Variants in POU3F1 observed in about 807,000 individuals in gnomAD.
POU3F1 encodes the protein POU class 3 homeobox 1.
Under a neutral mutation model 7.6 loss-of-function variants are expected in POU3F1, and 1 was observed. That is an observed-to-expected ratio of 0.13 (90% CI 0.05 to 0.62). POU3F1 has a LOEUF of 0.62. Among genes scored for constraint, POU3F1 ranks in the 20% least tolerant of loss-of-function variants. The probability of loss-of-function intolerance (pLI) is 0.87; values close to 1 mark genes in which losing one functional copy is unlikely to be tolerated. For synonymous variants in POU3F1, 354 were observed against 339.0 expected (o/e 1.04, Z -0.49); for missense variants, 505 against 679.3 (o/e 0.74, Z 2.85).
In POU3F1 at chr1:38,046,405, G is replaced by A. The variant is rs1646861936; in HGVS notation, c.339C>T (p.His113=). 2.4e-6 allele frequency: 3 copies of A among 1,263,838 alleles called. No homozygotes were observed. Among genetic ancestry groups the A allele is most frequent in the Non-Finnish European group, 3.0e-6 (3 of 1,008,628 alleles). The allele number at this position is 1,263,838 out of a possible 1,614,324, so 78.3% of individuals were successfully genotyped here. The change falls in exon 1 of 1, where the codon CAC becomes CAT. Residue 113 remains histidine, a synonymous_variant. Transcript: ENST00000373012. This position sits in a 1 kb window ranked among gnomAD's most constrained non-coding sequence, Gnocchi z 9.5. ...CCGCCCCCTGGTGCACCAGGCGCGCGTGGAAACCTCCGCCGCCGCCGCCGT... is the reference window on the plus strand; with the variant it reads ...CCGCCCCCTGGTGCACCAGGCGCGCATGGAAACCTCCGCCGCCGCCGCCGT... The part of the protein sequence containing the change: ...ADDGGGGGGF[H]ARLVHQGAAH...
At position 38,045,420 on chromosome 1, in the gene POU3F1, G is replaced by C; in HGVS notation, c.1324C>G (p.His442Asp). ...PPPPAALHHHHHHTLPGSVQ is the reference protein window; with the variant it reads ...PPPPAALHHHDHHTLPGSVQ Reference sequence around the variant, plus strand: ...ACTGAGCCGGGCAGTGTGTGGTGGTGGTGGTGGTGCAGCGCCGCCGGCGGG... The same window carrying C: ...ACTGAGCCGGGCAGTGTGTGGTGGTCGTGGTGGTGCAGCGCCGCCGGCGGG... Residue 442 changes from histidine to aspartate, a missense_variant, in exon 1 of 1, where the codon CAC becomes GAC. Physicochemically the swap from His to Asp is moderately conservative, Grantham distance 81. This residue lies in a region of POU3F1 where 72 missense variants were observed against 93.7 expected (regional missense o/e 0.77). Coordinates refer to ENST00000373012, the MANE Select transcript of POU3F1 (RefSeq NM_002699.4). This position sits in a 1 kb window ranked among gnomAD's most constrained non-coding sequence, Gnocchi z 9.4. 2 of 1,434,420 alleles carry C rather than the reference G, an allele frequency of 1.4e-6. No homozygotes were observed. Among genetic ancestry groups the C allele is most frequent in the Non-Finnish European group, 1.8e-6 (2 of 1,103,244 alleles). The allele number at this position is 1,434,420 out of a possible 1,614,324, so 88.9% of individuals were successfully genotyped here. A position where few individuals can be genotyped will look rare whatever the true frequency, so the allele number is the denominator to read the frequency against.
In POU3F1 at chr1:38,045,949, C is replaced by T; in HGVS notation, c.795G>A (p.Arg265=). The change falls in exon 1 of 1, where the codon CGG becomes CGA. Residue 265 remains arginine, a synonymous_variant. Coordinates refer to ENST00000373012, the MANE Select transcript of POU3F1 (RefSeq NM_002699.4). This position sits in a 1 kb window ranked among gnomAD's most constrained non-coding sequence, Gnocchi z 9.4. The part of the protein sequence containing the change: ...LEQFAKQFKQ[R]RIKLGFTQAD... ...CCTGCGTAAAGCCCAGCTTGATGCGCCGCTGCTTGAACTGCTTGGCGAACT... is the reference window on the plus strand; with the variant it reads ...CCTGCGTAAAGCCCAGCTTGATGCGTCGCTGCTTGAACTGCTTGGCGAACT... The T allele has an allele frequency of 6.2e-7, 1 of 1,613,332 alleles. No individual in the cohort carries two copies. Among genetic ancestry groups the T allele is most frequent in the East Asian group, 2.2e-5 (1 of 44,874 alleles).
rs754178182 is a variant in POU3F1, at chr1:38,046,514, C to G, written c.230G>C (p.Gly77Ala). ...GLAHPQWLPT[G>A]GGGGGDWAGG... ...GGCCCAATCGCCGCCGCCGCCTCCT[C>G]CCGTGGGTAGCCACTGGGGGTGCGC... is the stretch of plus-strand genomic sequence containing the variant. Residue 77 changes from glycine to alanine, a missense_variant, in exon 1 of 1, where the codon GGA (glycine) becomes GCA (alanine). Coordinates refer to ENST00000373012, the MANE Select transcript of POU3F1 (RefSeq NM_002699.4). This position sits in a 1 kb window ranked among gnomAD's most constrained non-coding sequence, Gnocchi z 9.5. 7 of 1,387,838 alleles carry G rather than the reference C, an allele frequency of 5.0e-6. No homozygotes were observed. The highest frequency in any genetic ancestry group is 5.6e-5 in the Admixed American group (2 of 35,460). The allele number at this position is 1,387,838 out of a possible 1,614,324, so 86.0% of individuals were successfully genotyped here. A position where few individuals can be genotyped will look rare whatever the true frequency, so the allele number is the denominator to read the frequency against.
Position 38,044,659 on chromosome 1 carries a change from A to G in POU3F1, c.*729T>C, listed in dbSNP as rs1433509541. 3 of 151,816 alleles carry G rather than the reference A, an allele frequency of 2.0e-5. No homozygotes were observed. Among genetic ancestry groups the G allele is most frequent in the Non-Finnish European group, 4.4e-5 (3 of 67,834 alleles). The allele number at this position is 151,816 out of a possible 1,614,324, so 9.4% of individuals were successfully genotyped here. A position where few individuals can be genotyped will look rare whatever the true frequency, so the allele number is the denominator to read the frequency against. ...TAGGGTAGGGAAATATAAGGGGAAA[A>G]ATAAATTAGGCTAGATTAAAGCTTT... On this transcript the variant is annotated 3_prime_UTR_variant, in exon 1 of 1. Coordinates refer to ENST00000373012, the MANE Select transcript of POU3F1 (RefSeq NM_002699.4).
At position 38,046,603 on chromosome 1, in the gene POU3F1, GC is replaced by G; in HGVS notation, c.140del (p.Arg47ProfsTer6). 1 of 1,377,442 alleles carries G rather than the reference GC, an allele frequency of 7.3e-7. No individual in the cohort carries two copies. Among genetic ancestry groups the G allele is most frequent in the Non-Finnish European group, 9.4e-7 (1 of 1,059,778 alleles). The allele number at this position is 1,377,442 out of a possible 1,614,324, so 85.3% of individuals were successfully genotyped here. A position where few individuals can be genotyped will look rare whatever the true frequency, so the allele number is the denominator to read the frequency against. ...AERLHAGAAY[R>X]EVQKLMHHEW... ...CGTGGTGCATCAGCTTCTGCACTTCGCGGTACGCGGCCCCTGCATGCAATCG... is the reference window on the plus strand; with the variant it reads ...CGTGGTGCATCAGCTTCTGCACTTCGGGTACGCGGCCCCTGCATGCAATCG... On this transcript the variant is annotated frameshift_variant, in exon 1 of 1. Coordinates refer to ENST00000373012, the MANE Select transcript of POU3F1 (RefSeq NM_002699.4). LOFTEE classifies it low-confidence loss of function (END_TRUNC). The surrounding 1 kb of genome is among the most constrained non-coding windows in gnomAD (Gnocchi z 9.5).
chr1:38,046,240 G>T lies in POU3F1; in HGVS notation c.504C>A (p.Gly168=), dbSNP rs1646860231. ...CCAGCATCCCGGCCAGGCCGCCGCC[G>T]CCGCCCCCCGGGTAGGCCGCCTGCG... ...LYAQAAYPGG[G]GGGLAGMLAA... The change falls in exon 1 of 1, where the codon GGC becomes GGA. Residue 168 remains glycine (G), a synonymous_variant. Coordinates refer to ENST00000373012, the MANE Select transcript of POU3F1 (RefSeq NM_002699.4). This position sits in a 1 kb window ranked among gnomAD's most constrained non-coding sequence, Gnocchi z 9.5. 2.8e-6 allele frequency: 3 copies of T among 1,063,494 alleles called. No individual in the cohort carries two copies. The highest frequency in any genetic ancestry group is 3.4e-6 in the Non-Finnish European group (3 of 885,366). 65.9% of individuals were successfully genotyped at this position (1,063,494 alleles called of 1,614,324 possible). A position where few individuals can be genotyped will look rare whatever the true frequency, so the allele number is the denominator to read the frequency against.
Position 38,046,748 on chromosome 1 carries a change from C to T in POU3F1, c.-5G>A, listed in dbSNP as rs1472774952. 4 of 1,003,918 alleles carry T rather than the reference C, an allele frequency of 4.0e-6. No homozygotes were observed. The highest frequency in any genetic ancestry group is 1.8e-5 in the African/African-American group (1 of 56,340). The allele number at this position is 1,003,918 out of a possible 1,614,324, so 62.2% of individuals were successfully genotyped here. A position where few individuals can be genotyped will look rare whatever the true frequency, so the allele number is the denominator to read the frequency against. On this transcript the variant is annotated 5_prime_UTR_variant, in exon 1 of 1. Coordinates refer to ENST00000373012, the MANE Select transcript of POU3F1 (RefSeq NM_002699.4). This position sits in a 1 kb window ranked among gnomAD's most constrained non-coding sequence, Gnocchi z 9.5. ...GTACTGCGCGGTGGTGGCCATGCCG[C>T]CCCGCGCCCTGCGCCGCGCCGCCGC... is the stretch of plus-strand genomic sequence containing the variant.
At position 38,046,581 on chromosome 1, in the gene POU3F1, G is replaced by C. The variant is rs771346624; in HGVS notation, c.163C>G (p.His55Asp). The C allele has an allele frequency of 5.8e-6, 8 of 1,380,854 alleles. No individual in the cohort carries two copies. The highest frequency in any genetic ancestry group is 6.6e-6 in the Non-Finnish European group (7 of 1,062,532). The allele number at this position is 1,380,854 out of a possible 1,614,324, so 85.5% of individuals were successfully genotyped here. ...AYREVQKLMH[H>D]EWLGAGAGHP... Reference sequence around the variant, plus strand: ...CCCGCGCCCGCGCCCAGCCACTCGTGGTGCATCAGCTTCTGCACTTCGCGG... The same window carrying C: ...CCCGCGCCCGCGCCCAGCCACTCGTCGTGCATCAGCTTCTGCACTTCGCGG... Residue 55 changes from histidine (H) to aspartate (D), a missense_variant, in exon 1 of 1, where the codon CAC becomes GAC. His to Asp is a moderately conservative substitution (Grantham distance 81). Around this residue, in one of 5 missense-constraint regions of POU3F1, gnomAD observed 361 missense variants for 382.1 expected, o/e 0.94. Coordinates refer to ENST00000373012, the MANE Select transcript of POU3F1 (RefSeq NM_002699.4). This position sits in a 1 kb window ranked among gnomAD's most constrained non-coding sequence, Gnocchi z 9.5.
rs1646849616 is a variant in POU3F1, at chr1:38,044,904, T to C, written c.*484A>G. Reference sequence around the variant, plus strand: ...ATCCTTATAGGAGAGAAGAGGCGTGTAGCGAATAAAGTGACAGCCCCCCAC... The same window carrying C: ...ATCCTTATAGGAGAGAAGAGGCGTGCAGCGAATAAAGTGACAGCCCCCCAC... On this transcript the variant is annotated 3_prime_UTR_variant, in exon 1 of 1. Coordinates refer to ENST00000373012, the MANE Select transcript of POU3F1 (RefSeq NM_002699.4). The C allele has an allele frequency of 6.6e-6, 1 of 152,106 alleles. No individual in the cohort carries two copies. Among genetic ancestry groups the C allele is most frequent in the Admixed American group, 6.5e-5 (1 of 15,288 alleles). 9.4% of individuals were successfully genotyped at this position (152,106 alleles called of 1,614,324 possible). A position where few individuals can be genotyped will look rare whatever the true frequency, so the allele number is the denominator to read the frequency against.
At position 38,046,496 on chromosome 1, in the gene POU3F1, TCGC is replaced by T. The variant is rs1478910596; in HGVS notation, c.245_247del (p.Gly82del). ...TTCTAGGTGCGGGCCGCCGGCCCAATCGCCGCCGCCGCCTCCTCCCGTGGGTAG... is the reference window on the plus strand; with the variant it reads ...TTCTAGGTGCGGGCCGCCGGCCCAATCGCCGCCGCCTCCTCCCGTGGGTAG... On this transcript the variant is annotated inframe_deletion, in exon 1 of 1. Coordinates refer to ENST00000373012, the MANE Select transcript of POU3F1 (RefSeq NM_002699.4). This position sits in a 1 kb window ranked among gnomAD's most constrained non-coding sequence, Gnocchi z 9.5. 2.3e-5 allele frequency: 31 copies of T among 1,369,286 alleles called. No individual in the cohort carries two copies. Among genetic ancestry groups the T allele is most frequent in the South Asian group, 1.4e-4 (9 of 63,900 alleles). The allele number at this position is 1,369,286 out of a possible 1,614,324, so 84.8% of individuals were successfully genotyped here.
Position 38,045,451 on chromosome 1 carries a change from TG to T in POU3F1, c.1292del (p.Pro431HisfsTer76). On this transcript the variant is annotated frameshift_variant, in exon 1 of 1. Coordinates refer to ENST00000373012, the MANE Select transcript of POU3F1 (RefSeq NM_002699.4). LOFTEE classifies it high-confidence loss of function. The surrounding 1 kb of genome is among the most constrained non-coding windows in gnomAD (Gnocchi z 9.4). ...GGGASPPSAP[P>X]PPPPAALHHH... ...GGTGCAGCGCCGCCGGCGGGGGCGG[TG>T]GGGGCGCGGAGGGTGGCGATGCGCC... 7.0e-7 allele frequency: 1 copy of T among 1,432,746 alleles called. No individual in the cohort carries two copies. The highest frequency in any genetic ancestry group is 2.6e-5 in the East Asian group (1 of 38,872). The allele number at this position is 1,432,746 out of a possible 1,614,324, so 88.8% of individuals were successfully genotyped here.
In POU3F1 at chr1:38,045,398, G is replaced by A. The variant is rs1479775757; in HGVS notation, c.1346C>T (p.Ser449Leu). The part of the protein sequence containing the change: ...HHHHHHTLPG[S>L]VQ ...GCCCGGCCCGCGGGGTCACTGCACT[G>A]AGCCGGGCAGTGTGTGGTGGTGGTG... Residue 449 changes from serine (S) to leucine (L), a missense_variant, in exon 1 of 1, where the codon TCA becomes TTA. Ser to Leu is a moderately radical substitution (Grantham distance 145, BLOSUM62 -2). Around this residue, in one of 5 missense-constraint regions of POU3F1, gnomAD observed 72 missense variants for 93.7 expected, o/e 0.77. Coordinates refer to ENST00000373012, the MANE Select transcript of POU3F1 (RefSeq NM_002699.4). The surrounding 1 kb of genome is among the most constrained non-coding windows in gnomAD (Gnocchi z 9.4). 1 of 1,403,266 alleles carries A rather than the reference G, an allele frequency of 7.1e-7. No individual in the cohort carries two copies. Among genetic ancestry groups the A allele is most frequent in the Non-Finnish European group, 9.2e-7 (1 of 1,085,654 alleles). 86.9% of individuals were successfully genotyped at this position (1,403,266 alleles called of 1,614,324 possible).
Position 38,045,830 on chromosome 1 carries a change from T to C in POU3F1, c.914A>G (p.Asn305Ser). ...RFEALQLSFK[N>S]MCKLKPLLNK... is the part of the protein sequence containing the mutation. ...GAGCAGCGGCTTGAGCTTGCACATG[T>C]TCTTGAAGCTCAGCTGCAGGGCCTC... Residue 305 changes from asparagine to serine, a missense_variant, in exon 1 of 1, where the codon AAC becomes AGC. Asn to Ser is a conservative substitution (Grantham distance 46). This residue lies in a region of POU3F1 where 26 missense variants were observed against 99.9 expected (regional missense o/e 0.26). Coordinates refer to ENST00000373012, the MANE Select transcript of POU3F1 (RefSeq NM_002699.4). The surrounding 1 kb of genome is among the most constrained non-coding windows in gnomAD (Gnocchi z 9.4). 6.2e-7 allele frequency: 1 copy of C among 1,614,006 alleles called. No individual in the cohort carries two copies. The highest frequency in any genetic ancestry group is 8.5e-7 in the Non-Finnish European group (1 of 1,179,988).
chr1:38,046,489 G>A lies in POU3F1; in HGVS notation c.255C>T (p.Ala85=). Residue 85 remains alanine, a synonymous_variant, in exon 1 of 1, where the codon GCC becomes GCT. Transcript: ENST00000373012. The surrounding 1 kb of genome is among the most constrained non-coding windows in gnomAD (Gnocchi z 9.5). ...PTGGGGGGDW[A]GGPHLEHGKA... ...TGCCGTGTTCTAGGTGCGGGCCGCC[G>A]GCCCAATCGCCGCCGCCGCCTCCTC... 2.2e-6 allele frequency: 3 copies of A among 1,377,192 alleles called. No individual in the cohort carries two copies. Among genetic ancestry groups the A allele is most frequent in the South Asian group, 1.6e-5 (1 of 64,246 alleles). The allele number at this position is 1,377,192 out of a possible 1,614,324, so 85.3% of individuals were successfully genotyped here.
Position 38,046,512 on chromosome 1 carries a change from C to T in POU3F1, c.232G>A (p.Gly78Arg). 7.2e-7 allele frequency: 1 copy of T among 1,386,490 alleles called. No homozygotes were observed. Among genetic ancestry groups the T allele is most frequent in the Non-Finnish European group, 9.4e-7 (1 of 1,069,300 alleles). The allele number at this position is 1,386,490 out of a possible 1,614,324, so 85.9% of individuals were successfully genotyped here. Residue 78 changes from glycine to arginine, a missense_variant, in exon 1 of 1, where the codon GGA (glycine) becomes AGA (arginine). This residue lies in a region of POU3F1 where 361 missense variants were observed against 382.1 expected (regional missense o/e 0.94). Transcript: ENST00000373012. This position sits in a 1 kb window ranked among gnomAD's most constrained non-coding sequence, Gnocchi z 9.5. ...CCGGCCCAATCGCCGCCGCCGCCTC[C>T]TCCCGTGGGTAGCCACTGGGGGTGC... Reference protein sequence around the residue: ...LAHPQWLPTGGGGGGDWAGGP... With the variant: ...LAHPQWLPTGRGGGGDWAGGP...
Position 38,044,397 on chromosome 1 carries a change from A to G in POU3F1, c.*991T>C, listed in dbSNP as rs1246582520. Among the ~76,000 whole-genome samples the G allele has an allele frequency of 2.0e-5, 3 of 152,222 alleles. No individual in the cohort carries two copies. Among genetic ancestry groups the G allele is most frequent in the Admixed American group, 1.3e-4 (2 of 15,286 alleles). Reference sequence around the variant, plus strand: ...AAAAACAATCTCTCTAACTTTTCCAAGTTTCGTTTGGTGTGGCCAGGAGGG... The same window carrying G: ...AAAAACAATCTCTCTAACTTTTCCAGGTTTCGTTTGGTGTGGCCAGGAGGG... On this transcript the variant is annotated 3_prime_UTR_variant, in exon 1 of 1. Coordinates refer to ENST00000373012, the MANE Select transcript of POU3F1 (RefSeq NM_002699.4).
In POU3F1 at chr1:38,046,117, GC is replaced by G; in HGVS notation, c.626del (p.Gly209AlafsTer93). ...QLEPSPPPHL[G>X]AHGHAHGHAH... ...CATGTCCGTGTGCGTGTCCGTGGGC[GC>G]CCAGATGCGGCGGCGGCGACGGCTC... On this transcript the variant is annotated frameshift_variant, in exon 1 of 1. Transcript: ENST00000373012. LOFTEE classifies it high-confidence loss of function. This position sits in a 1 kb window ranked among gnomAD's most constrained non-coding sequence, Gnocchi z 9.5. 1.4e-6 allele frequency: 2 copies of G among 1,390,992 alleles called. No individual in the cohort carries two copies. Among genetic ancestry groups the G allele is most frequent in the Non-Finnish European group, 9.3e-7 (1 of 1,072,686 alleles). 86.2% of individuals were successfully genotyped at this position (1,390,992 alleles called of 1,614,324 possible). A position where few individuals can be genotyped will look rare whatever the true frequency, so the allele number is the denominator to read the frequency against.
Position 38,044,299 on chromosome 1 carries a change from A to G in POU3F1, c.*1089T>C, listed in dbSNP as rs1030553665. On this transcript the variant is annotated 3_prime_UTR_variant, in exon 1 of 1. Coordinates refer to ENST00000373012, the MANE Select transcript of POU3F1 (RefSeq NM_002699.4). ...GCATCCCGCATCCCGGCGGGCTGGA[A>G]AGGGAGCAGAGGGAAGCTGCAGGGA... Among the ~76,000 whole-genome samples the G allele has an allele frequency of 2.0e-5, 3 of 152,278 alleles. No individual in the cohort carries two copies. The highest frequency in any genetic ancestry group is 4.8e-5 in the African/African-American group (2 of 41,480).
chr1:38,046,241 C>A lies in POU3F1; in HGVS notation c.503G>T (p.Gly168Val), dbSNP rs1646860245. The change falls in exon 1 of 1, where the codon GGC becomes GTC. Residue 168 changes from glycine (G) to valine (V), a missense_variant. Physicochemically the swap from Gly to Val is moderately radical, Grantham distance 109 (BLOSUM62 -3). This residue lies in a region of POU3F1 where 361 missense variants were observed against 382.1 expected (regional missense o/e 0.94). Transcript: ENST00000373012. The surrounding 1 kb of genome is among the most constrained non-coding windows in gnomAD (Gnocchi z 9.5). ...LYAQAAYPGG[G>V]GGGLAGMLAA... ...CAGCATCCCGGCCAGGCCGCCGCCG[C>A]CGCCCCCCGGGTAGGCCGCCTGCGC... 9.4e-7 allele frequency: 1 copy of A among 1,065,042 alleles called. No individual in the cohort carries two copies. The highest frequency in any genetic ancestry group is 1.1e-6 in the Non-Finnish European group (1 of 886,348). The allele number at this position is 1,065,042 out of a possible 1,614,324, so 66.0% of individuals were successfully genotyped here. A position where few individuals can be genotyped will look rare whatever the true frequency, so the allele number is the denominator to read the frequency against.
Sources: allele counts gnomAD v4.1 joint callset (sites outside exome capture counted in the v4.1 genomes callset), GRCh38; gene constraint gnomAD v4.1.1; regional missense constraint gnomAD v4.1.1; non-coding constraint Gnocchi (gnomAD v3.1); transcripts MANE v1.5; gene names NCBI Gene and HGNC (gene_info 2026-07-23, HGNC 2026-07-21).